The following HMGXB4 variants were observed in gnomAD, a reference collection of about 807,000 sequenced individuals.
HMGXB4 encodes the protein HMG-box containing 4, also known as HMG domain-containing protein 4.
In HMGXB4, 27 loss-of-function variants were observed where a neutral mutation model predicts 63.9. The observed-to-expected ratio is 0.42, with a 90% CI of 0.31 to 0.58. HMGXB4 has a LOEUF of 0.58. HMGXB4 is among the 20% of genes least tolerant of loss of function. HMGXB4 has a pLI of 0.13. For synonymous variants in HMGXB4, 264 were observed against 265.3 expected (o/e 0.99, Z 0.05); for missense variants, 624 against 700.7 (o/e 0.89, Z 1.24).
intron 5 of HMGXB4, among the ~76,000 whole-genome samples, chr22:35,282,371 T>C (rs542078382): frequency 1.2e-3 from 182 of 152,080 alleles, no homozygotes; most frequent in Non-Finnish European, 1.8e-3. Flanking sequence ...AGAGACGGGG[T>C]TTCACCGTGT....
intron 5 of HMGXB4, among the ~76,000 whole-genome samples, chr22:35,272,919 G>A (rs1422679064): frequency 2.0e-5 from 3 of 152,190 alleles, no homozygotes; most frequent in South Asian, 2.1e-4. Context: ...GGGCAACAGC[G>A]AGACTGTGTC....
chr22:35,250,583 T>C, the HMGXB4 span, among the ~76,000 whole-genome samples: 1 of 152,098 alleles, frequency 6.6e-6, no homozygotes, highest in East Asian at 1.9e-4. Context: ...AAGGTCACAT[T>C]TCAACATGAG....
chr22:35,275,082 C>T (rs1418234979), intron 5 of HMGXB4, among the ~76,000 whole-genome samples: 2 of 146,916 alleles, frequency 1.4e-5, no homozygotes, highest in Non-Finnish European at 3.0e-5. Flanking sequence ...AACAGTGGCT[C>T]GTACGTAGTA....
At chr22:35,262,210 A>G in intron 1 of HMGXB4, 113 bp from the exon 2 acceptor site, 1 of 653,920 alleles carries the variant, frequency 1.5e-6, no homozygotes, top group Non-Finnish European at 2.7e-6. Context: ...GACACTTTTT[A>G]TTTCTTGCTG....
intron 9 of HMGXB4, among the ~76,000 whole-genome samples, chr22:35,289,030 C>T (rs1449837088): frequency 1.3e-5 from 2 of 152,030 alleles, no homozygotes; most frequent in Admixed American, 1.3e-4. Flanking sequence ...GTCCCAGCTA[C>T]TCGGGAGGCT....
intron 1 of HMGXB4, among the ~76,000 whole-genome samples, chr22:35,260,309 T>C (rs1441743160): frequency 2.6e-5 from 4 of 152,270 alleles, no homozygotes; most frequent in African/African-American, 7.2e-5. Context: ...TATCAGCCTA[T>C]GAAAATCTAT....
chr22:35,266,780 C>G (rs192287622), intron 5 of HMGXB4, among the ~76,000 whole-genome samples: 2 of 152,042 alleles, frequency 1.3e-5, no homozygotes, highest in Non-Finnish European at 2.9e-5. Flanking sequence ...CCCAAGAGTT[C>G]GGGACCGGCC....
chr22:35,274,240 T>C (rs972783618), intron 5 of HMGXB4, among the ~76,000 whole-genome samples: 2 of 152,134 alleles, frequency 1.3e-5, no homozygotes, highest in African/African-American at 4.8e-5. Flanking sequence ...GTAGGAATTA[T>C]CAGGTGGAAA....
chr22:35,280,216 T>C (rs1924161079), intron 5 of HMGXB4, among the ~76,000 whole-genome samples: 1 of 152,156 alleles, frequency 6.6e-6, no homozygotes, highest in Non-Finnish European at 1.5e-5. Context: ...GCAGGGGTCT[T>C]GGGGGCCATC....
chr22:35,283,931 T>C, intron 5 of HMGXB4, 31 bp from the exon 6 acceptor site: 1 of 1,540,696 alleles, frequency 6.5e-7, no homozygotes, highest in Non-Finnish European at 9.0e-7. Flanking sequence ...TAATCAAGTC[T>C]TACCCTGTTG....
At chr22:35,243,531 ATTG>A in the HMGXB4 span, among the ~76,000 whole-genome samples, 3 of 150,868 alleles carry the variant, frequency 2.0e-5, no homozygotes, top group Admixed American at 6.6e-5. Context: ...TTCTTTTTTT[ATTG>A]TTGTTGTTGT....
chr22:35,243,196 C>T, the HMGXB4 span, among the ~76,000 whole-genome samples: 1 of 152,032 alleles, frequency 6.6e-6, no homozygotes, highest in Non-Finnish European at 1.5e-5. Context: ...CATGGTGAAA[C>T]CCTGTCTCTA....
chr22:35,280,540 G>A (rs574026472), intron 5 of HMGXB4, among the ~76,000 whole-genome samples: 2 of 151,994 alleles, frequency 1.3e-5, no homozygotes, highest in South Asian at 2.1e-4. Flanking sequence ...TCCCTTCCCC[G>A]CACTCCTGCA....
At chr22:35,293,582 T>G (rs1268493549) in intron 10 of HMGXB4, 25 bp from the exon 11 acceptor site, 1 of 1,568,220 alleles carries the variant, frequency 6.4e-7, no homozygotes, top group Admixed American at 1.7e-5. Flanking sequence ...TACTCTTCAG[T>G]TGAACATTTT....
At chr22:35,271,149 T>G (rs1051865325) in intron 5 of HMGXB4, among the ~76,000 whole-genome samples, 11 of 151,800 alleles carry the variant, frequency 7.2e-5, no homozygotes, top group Admixed American at 2.6e-4. Context: ...GAGTTTCAGC[T>G]ACTTAGGAGG....
the HMGXB4 span, among the ~76,000 whole-genome samples, chr22:35,252,018 C>G: frequency 6.6e-6 from 1 of 152,094 alleles, no homozygotes; most frequent in African/African-American, 2.4e-5. Flanking sequence ...AGTTAGAGAC[C>G]AGCCTGGCCA....
the HMGXB4 span, among the ~76,000 whole-genome samples, chr22:35,241,710 C>T: frequency 0.68 from 102,715 of 152,100 alleles, 34,752 homozygotes; most frequent in Admixed American, 0.71. Context: ...CCACTGGGGG[C>T]GTGTGTTCGG....
intron 5 of HMGXB4, among the ~76,000 whole-genome samples, chr22:35,278,041 C>CTTT (rs757868673): frequency 7.9e-5 from 12 of 152,178 alleles, no homozygotes; most frequent in Non-Finnish European, 1.5e-4. Flanking sequence ...AGCCACTGAC[C>CTTT]TTTTTATTGT....
intron 4 of HMGXB4, chr22:35,264,126 C>T (rs1300619694): frequency 8.8e-6 from 12 of 1,369,370 alleles, no homozygotes; most frequent in South Asian, 6.3e-5. Context: ...CCCAATCATC[C>T]ACTTATCTTG....
Sources: allele counts gnomAD v4.1 joint callset (sites outside exome capture counted in the v4.1 genomes callset), GRCh38; gene constraint gnomAD v4.1.1; transcripts MANE v1.5; gene names NCBI Gene and HGNC (gene_info 2026-07-23, HGNC 2026-07-21).